TMEM131L: variants seen among roughly 807,000 people sequenced by gnomAD.
The protein encoded by TMEM131L is transmembrane protein 131-like.
In TMEM131L, 54 loss-of-function variants were observed where a neutral mutation model predicts 192.2. The observed-to-expected ratio is 0.28, with a 90% CI of 0.23 to 0.35. TMEM131L has a LOEUF of 0.35. Ranked by LOEUF, TMEM131L falls within the 10% of genes least tolerant of loss-of-function variation. The pLI, the probability that TMEM131L is intolerant of heterozygous loss-of-function variation, is 1.00. For missense variants in TMEM131L, 1,888 were observed against 1,972.9 expected (o/e 0.96, Z 0.82); for synonymous variants, 701 against 704.9 (o/e 0.99, Z 0.09).
chr4:153,576,675 T>TAA (rs11313932), intron 7 of TMEM131L, among the ~76,000 whole-genome samples: 11 of 141,186 alleles, frequency 7.8e-5, no homozygotes, highest in South Asian at 2.3e-4. Context: ...GTAGATTTCT[T>TAA]AAAAAAAAAA....
Position 153,550,063 on chromosome 4 carries a change from CT to C in TMEM131L, c.240-3del. ...CTACAACAAAATCAACCTCTCTTTT[CT>C]TTTTTTAGCTTCTCGGACAAACTAT... On this transcript the variant is annotated splice_polypyrimidine_tract_variant and intron_variant, in intron 3 of 34. Transcript: ENST00000409959. 1.2e-5 allele frequency: 17 copies of C among 1,430,904 alleles called. No homozygotes were observed. The highest frequency in any genetic ancestry group is 7.9e-5 in the Admixed American group (3 of 37,826). The allele number at this position is 1,430,904 out of a possible 1,614,324, so 88.6% of individuals were successfully genotyped here.
chr4:153,529,291 C>A (rs1735724348), intron 3 of TMEM131L, among the ~76,000 whole-genome samples: 2 of 152,122 alleles, frequency 1.3e-5, no homozygotes, highest in African/African-American at 2.4e-5. Context: ...ACACAGCATA[C>A]TTCTAAAATG....
At chr4:153,497,193 T>G (rs1733235699) in intron 3 of TMEM131L, among the ~76,000 whole-genome samples, 1 of 152,152 alleles carries the variant, frequency 6.6e-6, no homozygotes, top group South Asian at 2.1e-4. Flanking sequence ...TTTGAGGACT[T>G]TGGGGAAAGT....
At chr4:153,495,793 T>C (rs1733133578) in intron 3 of TMEM131L, among the ~76,000 whole-genome samples, 1 of 152,216 alleles carries the variant, frequency 6.6e-6, no homozygotes, top group Admixed American at 6.5e-5. Flanking sequence ...TATGTAACTT[T>C]TAAAATCTTT....
chr4:153,592,621 G>A (rs370939836), intron 18 of TMEM131L, 37 bp downstream of exon 18: 3 of 1,372,684 alleles, frequency 2.2e-6, no homozygotes, highest in African/African-American at 2.8e-5. Flanking sequence ...AGTTTGGGAA[G>A]TACTTGGGAA....
At chr4:153,510,256 C>T (rs1249546741) in intron 3 of TMEM131L, among the ~76,000 whole-genome samples, 1 of 152,060 alleles carries the variant, frequency 6.6e-6, no homozygotes, top group African/African-American at 2.4e-5. Context: ...CCAGAGGATG[C>T]ACACTTGGAG....
intron 20 of TMEM131L, among the ~76,000 whole-genome samples, chr4:153,597,829 A>T (rs1731549680): frequency 1.3e-5 from 2 of 152,134 alleles, no homozygotes; most frequent in Admixed American, 1.3e-4. Flanking sequence ...GCTACTTGGG[A>T]GGCTGAGGTA....
At chr4:153,586,529 G>A in intron 14 of TMEM131L, 150 bp downstream of exon 14, 1 of 496,250 alleles carries the variant, frequency 2.0e-6, no homozygotes, top group Non-Finnish European at 3.4e-6. Context: ...AGTCTTGGAT[G>A]ATAAATTGTT....
chr4:153,518,171 T>C (rs756441953), intron 3 of TMEM131L, among the ~76,000 whole-genome samples: 1 of 152,114 alleles, frequency 6.6e-6, no homozygotes, highest in Non-Finnish European at 1.5e-5. Context: ...GAGGCCGAGG[T>C]CAGTCAGCAG....
At chr4:153,495,895 A>G (rs72971010) in intron 3 of TMEM131L, among the ~76,000 whole-genome samples, 3,395 of 152,272 alleles carry the variant, frequency 0.022, 112 homozygotes, top group African/African-American at 0.075. Context: ...ATTTTTGGGT[A>G]CCGAGATTTA....
intron 3 of TMEM131L, among the ~76,000 whole-genome samples, chr4:153,545,087 A>G (rs1433968496): frequency 6.6e-6 from 1 of 152,140 alleles, no homozygotes; most frequent in Non-Finnish European, 1.5e-5. Context: ...ATATCAGCAG[A>G]CAGATTTAAT....
At chr4:153,552,298 ATAG>A (rs1394452745) in intron 4 of TMEM131L, among the ~76,000 whole-genome samples, 2 of 152,336 alleles carry the variant, frequency 1.3e-5, no homozygotes, top group Non-Finnish European at 2.9e-5. Context: ...AGATAGAATA[ATAG>A]TAGTAGTAAG....
intron 31 of TMEM131L, among the ~76,000 whole-genome samples, chr4:153,631,896 T>G (rs1205137471): frequency 6.6e-6 from 1 of 152,194 alleles, no homozygotes; most frequent in Non-Finnish European, 1.5e-5. Context: ...GCTTCAGGGC[T>G]TTTGTGGTAC....
rs1411066918 is a variant in TMEM131L at position 153,627,625 on chromosome 4, A to G, written c.4145A>G (p.Gln1382Arg). Residue 1382 changes from glutamine to arginine, a missense_variant, in exon 31 of 35, where the codon CAA becomes CGA. By Grantham distance (43) the Gln-to-Arg change is conservative. Transcript: ENST00000409959. ...CNPMTVNSLPQYAEPSCPSLP... is the reference protein window; with the variant it reads ...CNPMTVNSLPRYAEPSCPSLP... ...CACAGGACCGTGAATAGTCTCCCAC[A>G]ATACGCAGAGCCTTCCTGTCCCAGC... 5.6e-6 allele frequency: 9 copies of G among 1,614,086 alleles called. No homozygotes were observed. Among genetic ancestry groups the G allele is most frequent in the South Asian group, 1.1e-5 (1 of 91,076 alleles).
intron 3 of TMEM131L, among the ~76,000 whole-genome samples, chr4:153,494,366 A>G (rs1308719369): frequency 6.6e-6 from 1 of 152,232 alleles, no homozygotes; most frequent in Admixed American, 6.5e-5. Flanking sequence ...GTACATCCAT[A>G]TGGATAATGT....
chr4:153,478,765 A>C (rs552413510), intron 3 of TMEM131L, among the ~76,000 whole-genome samples: 18 of 152,198 alleles, frequency 1.2e-4, no homozygotes, highest in Admixed American at 7.9e-4. Context: ...CTGCTGTTTT[A>C]ATGTCATTTA....
chr4:153,606,588 T>C (rs1732256346), intron 25 of TMEM131L, among the ~76,000 whole-genome samples: 1 of 152,238 alleles, frequency 6.6e-6, no homozygotes, highest in Non-Finnish European at 1.5e-5. Context: ...AACACTTTAA[T>C]AAGCGTGAGT....
intron 4 of TMEM131L, among the ~76,000 whole-genome samples, chr4:153,551,763 GTTTT>G (rs930377690): frequency 6.6e-6 from 1 of 152,060 alleles, no homozygotes; most frequent in Non-Finnish European, 1.5e-5. Flanking sequence ...CTAGGTGTCT[GTTTT>G]TTTGAGTTTT....
chr4:153,609,254 A>C (rs952493450), intron 25 of TMEM131L, among the ~76,000 whole-genome samples: 1 of 152,172 alleles, frequency 6.6e-6, no homozygotes, highest in Non-Finnish European at 1.5e-5. Flanking sequence ...AGGGGAAGCA[A>C]GCACGTCTTG....
Sources: allele counts gnomAD v4.1 joint callset (sites outside exome capture counted in the v4.1 genomes callset), GRCh38; gene constraint gnomAD v4.1.1; transcripts MANE v1.5; gene names NCBI Gene and HGNC (gene_info 2026-07-23, HGNC 2026-07-21).